Variants in CTIF observed in about 807,000 individuals in gnomAD.
CTIF encodes the protein cap binding complex dependent translation initiation factor.
CTIF carries 21 observed loss-of-function variants against 66.0 expected under a neutral mutation model. The observed-to-expected ratio is 0.32, with a 90% CI of 0.23 to 0.46. The LOEUF (loss-of-function observed/expected upper bound fraction) is 0.46, where lower values mean the gene tolerates loss of function less well. Ranked by LOEUF, CTIF falls within the 20% of genes least tolerant of loss-of-function variation. CTIF has a pLI of 1.00. For synonymous variants in CTIF, 345 were observed against 326.4 expected, an observed-to-expected ratio of 1.06 and a Z score of -0.62; for missense variants, 739 against 812.7, an observed-to-expected ratio of 0.91 and a Z score of 1.10.
chr18:48,663,381 G>A (rs2091379134), intron 3 of CTIF, among the ~76,000 whole-genome samples: 1 of 152,162 alleles, frequency 6.6e-6, no homozygotes, highest in African/African-American at 2.4e-5. Flanking sequence ...GGGCTCCCCA[G>A]TGGGCCTGGC....
chr18:48,755,602 G>A (rs1436610256), intron 7 of CTIF: 1 of 152,270 alleles, frequency 6.6e-6, no homozygotes, highest in African/African-American at 2.4e-5. Flanking sequence ...CCAGTGAGGA[G>A]GGGGGTGTGT....
Position 48,761,464 on chromosome 18 carries a change from G to A in CTIF, c.1146G>A (p.Met382Ile). ...AGCTGATCGAGATCCTGAACAGCAT[G>A]CGGAACAACAGCAGCGACGTGGACA... ...MDKLIEILNS[M>I]RNNSSDVDTK... The change falls in exon 9 of 12, where the codon ATG (methionine) becomes ATA (isoleucine). Residue 382 changes from methionine (M) to isoleucine (I), a missense_variant. Physicochemically the swap from Met to Ile is conservative, Grantham distance 10. Transcript: ENST00000256413. This position sits in a 1 kb window ranked among gnomAD's most constrained non-coding sequence, Gnocchi z 4.2. The A allele has an allele frequency of 6.2e-7, 1 of 1,614,190 alleles. No individual in the cohort carries two copies. Among genetic ancestry groups the A allele is most frequent in the Non-Finnish European group, 8.5e-7 (1 of 1,180,040 alleles).
intron 8 of CTIF, among the ~76,000 whole-genome samples, chr18:48,759,251 T>C (rs1908719550): frequency 6.6e-6 from 1 of 152,186 alleles, no homozygotes; most frequent in African/African-American, 2.4e-5. Flanking sequence ...AAAGGCCAAC[T>C]TGCCCACAGC....
chr18:48,621,760 A>AG (rs1212073385), intron 2 of CTIF: 1 of 247,980 alleles, frequency 4.0e-6, no homozygotes, highest in Non-Finnish European at 8.0e-6. Flanking sequence ...GATGGCCTGG[A>AG]GACTAGGAGA....
chr18:48,720,173 A>G (rs909532780), intron 7 of CTIF, among the ~76,000 whole-genome samples: 2 of 152,210 alleles, frequency 1.3e-5, no homozygotes, highest in African/African-American at 4.8e-5. Context: ...GAGTAGAGAG[A>G]TGCTGAAGAT....
chr18:48,797,244 A>ATCT (rs2067941643), intron 9 of CTIF, among the ~76,000 whole-genome samples: 1 of 152,168 alleles, frequency 6.6e-6, no homozygotes, highest in Non-Finnish European at 1.5e-5. Flanking sequence ...ACACTTTGGG[A>ATCT]GGCCGAGGTG....
At chr18:48,695,008 A>G (rs2032360375) in intron 6 of CTIF, among the ~76,000 whole-genome samples, 1 of 152,186 alleles carries the variant, frequency 6.6e-6, no homozygotes, top group Non-Finnish European at 1.5e-5. Flanking sequence ...CAAGTTCCTC[A>G]TGCTTTTTAA....
At position 48,854,541 on chromosome 18, in the gene CTIF, CT is replaced by C. The variant is rs553930135; in HGVS notation, c.1528-3046del. ...CCCGTCTTGCTCTCTGCCCCTGCTGCTGCCCTAGGCCACACTGCCACCATGC... is the reference window on the plus strand; with the variant it reads ...CCCGTCTTGCTCTCTGCCCCTGCTGCGCCCTAGGCCACACTGCCACCATGC... On this transcript the variant is annotated intron_variant, in intron 10 of 11. Transcript: ENST00000256413. 5.9e-5 allele frequency among the ~76,000 whole-genome samples: 9 copies of C among 152,330 alleles called. No homozygotes were observed. In the South Asian group the frequency reaches 8.3e-4, roughly 14 times the overall value.
intron 2 of CTIF, among the ~76,000 whole-genome samples, chr18:48,628,986 T>C (rs567608058): frequency 6.6e-6 from 1 of 152,314 alleles, no homozygotes; most frequent in South Asian, 2.1e-4. Flanking sequence ...GAAGATGTCA[T>C]GCACACTCCT....
intron 3 of CTIF, among the ~76,000 whole-genome samples, chr18:48,645,666 C>T (rs1461299357): frequency 3.3e-5 from 5 of 152,224 alleles, no homozygotes; most frequent in African/African-American, 1.2e-4. Context: ...TGGGCAGTAT[C>T]GAGGTGTCCC....
intron 5 of CTIF, among the ~76,000 whole-genome samples, chr18:48,670,172 C>T (rs958063084): frequency 6.6e-5 from 10 of 151,984 alleles, no homozygotes; most frequent in Non-Finnish European, 1.2e-4. Flanking sequence ...CCCGAGGGCA[C>T]GCCCACTCAC....
intron 1 of CTIF, among the ~76,000 whole-genome samples, chr18:48,549,496 C>T (rs9949195): frequency 0.041 from 6,186 of 152,218 alleles, 429 homozygotes; most frequent in African/African-American, 0.14. Flanking sequence ...AGGGAGTCAG[C>T]GATCATTTCA....
chr18:48,600,318 A>T (rs1283592952), intron 1 of CTIF, among the ~76,000 whole-genome samples: 1 of 152,026 alleles, frequency 6.6e-6, no homozygotes, highest in African/African-American at 2.4e-5. Flanking sequence ...GGCGGTGGCG[A>T]TGAGCTCCGA....
chr18:48,572,118 T>A lies in CTIF; in HGVS notation c.-29+32806T>A, dbSNP rs2089430196. ...TCCTTCTCCTCCTTCCCCTCCCTCC[T>A]TTCTCCTTCCTCTTTCTTCCTTCCT... is the stretch of plus-strand genomic sequence containing the variant. On this transcript the variant is annotated intron_variant, in intron 1 of 11. Transcript: ENST00000256413. Among the ~76,000 whole-genome samples the A allele has an allele frequency of 2.0e-5, 3 of 151,574 alleles. No individual in the cohort carries two copies. The South Asian group carries it at 6.3e-4, about 32-fold the overall frequency.
intron 5 of CTIF, among the ~76,000 whole-genome samples, chr18:48,670,243 A>G (rs2091507130): frequency 1.3e-5 from 2 of 152,130 alleles, no homozygotes; most frequent in African/African-American, 2.4e-5. Flanking sequence ...ACCCAGAGTC[A>G]AGCCAAAAAG....
intron 5 of CTIF, among the ~76,000 whole-genome samples, chr18:48,667,223 A>C (rs760351391): frequency 6.6e-5 from 10 of 152,136 alleles, no homozygotes; most frequent in Non-Finnish European, 1.2e-4. Flanking sequence ...AGACTAGACT[A>C]TGCGGTGTAG....
At chr18:48,664,023 G>A (rs1225047566) in intron 4 of CTIF, among the ~76,000 whole-genome samples, 198 bp downstream of exon 4, 1 of 152,198 alleles carries the variant, frequency 6.6e-6, no homozygotes, top group Non-Finnish European at 1.5e-5. Context: ...GAGGCATGGG[G>A]AGGGCCCCCG....
At chr18:48,699,485 TG>T (rs1391262590) in intron 6 of CTIF, among the ~76,000 whole-genome samples, 3 of 152,028 alleles carry the variant, frequency 2.0e-5, no homozygotes, top group African/African-American at 7.3e-5. Flanking sequence ...TTGCAGGGAC[TG>T]CTTTGGCCCA....
chr18:48,736,407 G>A (rs572594738), intron 7 of CTIF, among the ~76,000 whole-genome samples: 1 of 152,330 alleles, frequency 6.6e-6, no homozygotes, highest in South Asian at 2.1e-4. Context: ...GCTGCACTGA[G>A]TGGAAGCCAG....
Sources: allele counts gnomAD v4.1 joint callset (sites outside exome capture counted in the v4.1 genomes callset), GRCh38; gene constraint gnomAD v4.1.1; non-coding constraint Gnocchi (gnomAD v3.1); transcripts MANE v1.5; gene names NCBI Gene and HGNC (gene_info 2026-07-23, HGNC 2026-07-21).